Variants in TRAPPC9 observed in about 807,000 individuals in gnomAD.
TRAPPC9 encodes the protein trafficking protein particle complex subunit 9, also known as IKK2 binding protein.
A neutral mutation model predicts 124.0 loss-of-function variants in TRAPPC9; 83 were observed. The observed-to-expected ratio is 0.67, with a 90% CI of 0.56 to 0.80. TRAPPC9 has a LOEUF of 0.80. Ranked by LOEUF, TRAPPC9 falls within the 30% of genes least tolerant of loss-of-function variation. The pLI is 0.00. For synonymous variants in TRAPPC9, 638 were observed against 617.5 expected, an observed-to-expected ratio of 1.03 and a Z score of -0.49; for missense variants, 1,302 against 1,508.3, an observed-to-expected ratio of 0.86 and a Z score of 2.27.
chr8:139,821,497 T>C (rs1825250699), intron 21 of TRAPPC9, among the ~76,000 whole-genome samples: 2 of 152,206 alleles, frequency 1.3e-5, no homozygotes, highest in Non-Finnish European at 2.9e-5. Context: ...ACCCATTTCC[T>C]GTATGTTAAT....
At chr8:140,300,956 C>T (rs942559701) in intron 10 of TRAPPC9, among the ~76,000 whole-genome samples, 1 of 152,186 alleles carries the variant, frequency 6.6e-6, no homozygotes, top group East Asian at 1.9e-4. Context: ...ACGTGCCTTG[C>T]CATCTCTAAG....
At chr8:139,804,187 GCCA>G (rs1286505392) in intron 21 of TRAPPC9, among the ~76,000 whole-genome samples, 4 of 39,154 alleles carry the variant, frequency 1.0e-4, no homozygotes, top group Admixed American at 4.2e-4. Flanking sequence ...ACCCACCACC[GCCA>G]CCAAGCACCA....
intron 5 of TRAPPC9, among the ~76,000 whole-genome samples, chr8:140,409,202 A>T (rs541213080): frequency 4.1e-4 from 63 of 152,344 alleles, no homozygotes; most frequent in African/African-American, 1.5e-3. Context: ...AGAAAAACAT[A>T]AAAATGACCC....
At chr8:140,013,458 A>G (rs1035943974) in intron 18 of TRAPPC9, among the ~76,000 whole-genome samples, 1 of 152,232 alleles carries the variant, frequency 6.6e-6, no homozygotes, top group South Asian at 2.1e-4. Flanking sequence ...CCTGCCACAC[A>G]TCGTTCACAC....
At chr8:140,384,401 G>A (rs2068698015) in intron 7 of TRAPPC9, among the ~76,000 whole-genome samples, 1 of 152,120 alleles carries the variant, frequency 6.6e-6, no homozygotes, top group African/African-American at 2.4e-5. Flanking sequence ...TCAGTGTGCT[G>A]TATTCAGGAA....
intron 17 of TRAPPC9, among the ~76,000 whole-genome samples, chr8:140,084,633 G>A (rs1264766668): frequency 6.6e-6 from 1 of 152,234 alleles, no homozygotes; most frequent in African/African-American, 2.4e-5. Context: ...CCGAGGACAA[G>A]GCTGCTGACT....
chr8:140,067,810 A>C (rs575915768), intron 17 of TRAPPC9, among the ~76,000 whole-genome samples: 7 of 152,246 alleles, frequency 4.6e-5, no homozygotes, highest in African/African-American at 1.4e-4. Context: ...AAGACTTGTG[A>C]GAAAAAGATG....
chr8:140,052,366 A>C (rs550033575), intron 17 of TRAPPC9, among the ~76,000 whole-genome samples: 2 of 152,344 alleles, frequency 1.3e-5, no homozygotes, highest in Admixed American at 6.5e-5. Flanking sequence ...GCCGGGCATG[A>C]GGGCTCATGC....
At chr8:140,115,626 G>A (rs551583370) in intron 17 of TRAPPC9, among the ~76,000 whole-genome samples, 40 of 98,956 alleles carry the variant, frequency 4.0e-4, no homozygotes, top group Admixed American at 1.7e-3. Flanking sequence ...TCAATCTATG[G>A]TTGCCTGAAT....
chr8:140,356,829 C>T (rs115707387), intron 9 of TRAPPC9, among the ~76,000 whole-genome samples: 4,354 of 152,098 alleles, frequency 0.029, 124 homozygotes, highest in African/African-American at 0.075. Flanking sequence ...AGGCTAGTGT[C>T]GAACTCCTGA....
intron 19 of TRAPPC9, among the ~76,000 whole-genome samples, chr8:139,951,014 G>A (rs572428735): frequency 3.0e-4 from 46 of 152,282 alleles, no homozygotes; most frequent in Admixed American, 1.8e-3. Flanking sequence ...ACCTGCTCAC[G>A]GCTTGGAGTC....
At chr8:140,102,503 G>A (rs2060597659) in intron 17 of TRAPPC9, among the ~76,000 whole-genome samples, 2 of 151,562 alleles carry the variant, frequency 1.3e-5, no homozygotes, top group Admixed American at 6.6e-5. Context: ...ACGCATGCAC[G>A]CACACACACA....
At chr8:139,992,524 C>T (rs1050017863) in intron 18 of TRAPPC9, among the ~76,000 whole-genome samples, 5 of 151,648 alleles carry the variant, frequency 3.3e-5, no homozygotes, top group Non-Finnish European at 7.4e-5. Context: ...GATGGAAAGA[C>T]TTAATATTTT....
chr8:139,892,422 T>C (rs1490852939), intron 20 of TRAPPC9, among the ~76,000 whole-genome samples: 1 of 152,206 alleles, frequency 6.6e-6, no homozygotes, highest in Non-Finnish European at 1.5e-5. Context: ...CTCTCAGGAC[T>C]GTCTGCCCTC....
intron 21 of TRAPPC9, among the ~76,000 whole-genome samples, chr8:139,885,523 C>T (rs1293556931): frequency 2.0e-5 from 3 of 152,190 alleles, no homozygotes; most frequent in Non-Finnish European, 2.9e-5. Flanking sequence ...GAGCACACAC[C>T]CCGCCAGACA....
intron 8 of TRAPPC9, among the ~76,000 whole-genome samples, chr8:140,367,946 C>T (rs887178379): frequency 1.3e-5 from 2 of 152,102 alleles, no homozygotes; most frequent in South Asian, 2.1e-4. Context: ...CAGGGAACAC[C>T]GAGGAAAAAG....
At chr8:139,834,376 G>A (rs1292846318) in intron 21 of TRAPPC9, among the ~76,000 whole-genome samples, 2 of 152,234 alleles carry the variant, frequency 1.3e-5, no homozygotes, top group Non-Finnish European at 2.9e-5. Flanking sequence ...GTCGGGAGCA[G>A]TGAGTCTGAC....
intron 17 of TRAPPC9, among the ~76,000 whole-genome samples, chr8:140,092,723 T>C (rs1368739748): frequency 2.0e-5 from 3 of 152,216 alleles, no homozygotes; most frequent in Non-Finnish European, 4.4e-5. Flanking sequence ...AGAGAAAACA[T>C]CTCACTACGT....
intron 19 of TRAPPC9, among the ~76,000 whole-genome samples, chr8:139,983,963 T>C (rs1050627862): frequency 2.6e-5 from 4 of 152,188 alleles, no homozygotes; most frequent in Non-Finnish European, 5.9e-5. Context: ...TGTGACTTCA[T>C]ATGGGAAGTG....
Sources: gnomAD v4.1 joint callset for allele counts (sites outside exome capture counted in the v4.1 genomes callset) on GRCh38, gnomAD v4.1.1 for gene constraint, MANE v1.5 for transcripts, NCBI Gene and HGNC (gene_info 2026-07-23, HGNC 2026-07-21) for gene names.